FHIT: variants seen among roughly 807,000 people sequenced by gnomAD.
FHIT encodes the protein fragile histidine triad diadenosine triphosphatase, also known as bis(5'-adenosyl)-triphosphatase.
A neutral mutation model predicts 17.9 loss-of-function variants in FHIT; 19 were observed. The observed-to-expected ratio is 1.06, with a 90% CI of 0.74 to 1.56. The LOEUF (loss-of-function observed/expected upper bound fraction) is 1.56. Ranked by LOEUF, FHIT falls within the 40% of genes most tolerant of loss-of-function variation. The pLI is 0.00. For synonymous variants in FHIT, 81 were observed against 69.7 expected (o/e 1.16, Z -0.81); for missense variants, 248 against 189.2 (o/e 1.31, Z -1.82).
chr3:60,819,266 T>C (rs1370523586), intron 4 of FHIT, among the ~76,000 whole-genome samples: 1 of 152,184 alleles, frequency 6.6e-6, no homozygotes, highest in African/African-American at 2.4e-5. Context: ...GAAGCCAGGC[T>C]CAGGGCTTCC....
At chr3:61,217,099 C>A (rs1195804846) in intron 1 of FHIT, among the ~76,000 whole-genome samples, 2 of 152,014 alleles carry the variant, frequency 1.3e-5, no homozygotes, top group African/African-American at 4.8e-5. Context: ...AAATATGTGA[C>A]TAACCTGCAC....
intron 2 of FHIT, among the ~76,000 whole-genome samples, chr3:61,137,938 CTT>C (rs1326976810): frequency 6.6e-6 from 1 of 152,204 alleles, no homozygotes; most frequent in Non-Finnish European, 1.5e-5. Context: ...CTCCCTCTCT[CTT>C]GCTCCGAAAG....
At chr3:59,915,722 T>A (rs1238468104) in intron 8 of FHIT, among the ~76,000 whole-genome samples, 1 of 152,162 alleles carries the variant, frequency 6.6e-6, no homozygotes, top group African/African-American at 2.4e-5. Context: ...GGAGGATTGC[T>A]TGAGGCTAGG....
intron 2 of FHIT, among the ~76,000 whole-genome samples, chr3:61,170,544 G>A (rs2037972916): frequency 6.6e-6 from 1 of 151,802 alleles, no homozygotes; most frequent in South Asian, 2.1e-4. Context: ...CCTCCAATAG[G>A]CCCTAGTGTG....
rs181186096 is a variant in FHIT at position 59,776,497 on chromosome 3, C to T, written c.349-24176G>A. 1.5e-3 allele frequency among the ~76,000 whole-genome samples: 234 copies of T among 152,272 alleles called. 1 individual carries two copies. Among genetic ancestry groups the T allele is most frequent in the Non-Finnish European group, 1.8e-3 (125 of 68,012 alleles). ...TGCAAAGTAAGGGCCTGACTGGCTC[C>T]ACTAGCTCAGAGAACAGTGAGACAG... On this transcript the variant is annotated intron_variant, in intron 8 of 9. Transcript: ENST00000492590.
At chr3:59,904,023 G>GA (rs1336399566) in intron 8 of FHIT, among the ~76,000 whole-genome samples, 3 of 151,924 alleles carry the variant, frequency 2.0e-5, no homozygotes. Flanking sequence ...AAGATAATAA[G>GA]AATGGAAATA....
chr3:60,684,986 C>T (rs1013964237), intron 4 of FHIT, among the ~76,000 whole-genome samples: 2 of 152,080 alleles, frequency 1.3e-5, no homozygotes, highest in Non-Finnish European at 2.9e-5. Context: ...ACTTGTCCTC[C>T]CTACGCCAGA....
intron 4 of FHIT, among the ~76,000 whole-genome samples, chr3:60,818,589 C>T (rs933534804): frequency 2.0e-5 from 3 of 152,152 alleles, no homozygotes; most frequent in African/African-American, 7.2e-5. Context: ...ATTCCTACTT[C>T]TTCTTAATAT....
At chr3:61,136,669 G>A (rs36004430) in intron 2 of FHIT, among the ~76,000 whole-genome samples, 55,186 of 152,058 alleles carry the variant, frequency 0.36, 10,732 homozygotes, top group African/African-American at 0.5. Context: ...AGCAGAGACT[G>A]GGATACCAGA....
At chr3:59,855,778 C>CTT (rs1015752911) in intron 8 of FHIT, among the ~76,000 whole-genome samples, 1 of 149,742 alleles carries the variant, frequency 6.7e-6, no homozygotes, top group Non-Finnish European at 1.5e-5. Flanking sequence ...ATAGATAAAC[C>CTT]TTTTTTTGTT....
chr3:61,199,229 G>A (rs1402019349), intron 2 of FHIT, among the ~76,000 whole-genome samples: 3 of 152,114 alleles, frequency 2.0e-5, no homozygotes, highest in Admixed American at 1.3e-4. Flanking sequence ...TGCCTGTGTG[G>A]AAACATTCCC....
At chr3:61,044,900 A>G (rs1055210549) in intron 2 of FHIT, among the ~76,000 whole-genome samples, 6 of 152,328 alleles carry the variant, frequency 3.9e-5, no homozygotes, top group Middle Eastern at 3.4e-3. Context: ...CAAGTGAAGG[A>G]GAAATAAAAT....
At chr3:60,124,009 T>C (rs6765281) in intron 5 of FHIT, among the ~76,000 whole-genome samples, 38 of 12,156 alleles carry the variant, frequency 3.1e-3, no homozygotes, top group African/African-American at 0.01. Flanking sequence ...TATATATATA[T>C]AGAGAGAGAG....
intron 3 of FHIT, among the ~76,000 whole-genome samples, chr3:60,951,090 A>G (rs2107457970): frequency 6.6e-6 from 1 of 152,318 alleles, no homozygotes; most frequent in South Asian, 2.1e-4. Flanking sequence ...TTCCTGATAC[A>G]CAGGAGATTC....
chr3:60,399,326 G>T (rs114267487), intron 5 of FHIT, among the ~76,000 whole-genome samples: 1 of 152,150 alleles, frequency 6.6e-6, no homozygotes, highest in Non-Finnish European at 1.5e-5. Context: ...CAGGATAGAA[G>T]AAGTAGTATC....
chr3:60,623,717 G>A (rs1333757754), intron 4 of FHIT, among the ~76,000 whole-genome samples: 2 of 152,162 alleles, frequency 1.3e-5, no homozygotes, highest in African/African-American at 2.4e-5. Flanking sequence ...GTTAGAAATG[G>A]ACTGTCATGG....
chr3:60,992,063 G>C (rs1041608133), intron 3 of FHIT, among the ~76,000 whole-genome samples: 3 of 152,192 alleles, frequency 2.0e-5, no homozygotes, highest in Non-Finnish European at 4.4e-5. Context: ...ACAGGAACAT[G>C]AATCTTGATA....
intron 1 of FHIT, among the ~76,000 whole-genome samples, chr3:61,208,891 G>C (rs1048639296): frequency 2.0e-5 from 3 of 152,034 alleles, no homozygotes; most frequent in African/African-American, 4.8e-5. Context: ...CTCATTAGTT[G>C]ATGTGGTTTC....
At chr3:59,977,353 C>T (rs952904446) in intron 7 of FHIT, among the ~76,000 whole-genome samples, 1 of 152,098 alleles carries the variant, frequency 6.6e-6, no homozygotes, top group Non-Finnish European at 1.5e-5. Context: ...ATTTATGCTC[C>T]CTTCACAACA....
Sources: allele counts gnomAD v4.1 joint callset (sites outside exome capture counted in the v4.1 genomes callset), GRCh38; gene constraint gnomAD v4.1.1; transcripts MANE v1.5; gene names NCBI Gene and HGNC (gene_info 2026-07-23, HGNC 2026-07-21).